Variants in ZNF462 observed in about 807,000 individuals in gnomAD.
ZNF462 encodes zinc finger PBX1-interacting protein.
ZNF462 carries 10 observed loss-of-function variants against 201.9 expected under a neutral mutation model. The observed-to-expected ratio is 0.05, with a 90% CI of 0.03 to 0.08. The LOEUF (loss-of-function observed/expected upper bound fraction) is 0.08. ZNF462 is among the 10% of genes least tolerant of loss of function. The pLI is 1.00. For missense variants in ZNF462, 2,523 were observed against 3,168.3 expected, an observed-to-expected ratio of 0.80 and a Z score of 4.89; for synonymous variants, 1,227 against 1,193.3, an observed-to-expected ratio of 1.03 and a Z score of -0.58.
At chr9:106,863,025 G>A (rs1306993211), upstream of ZNF462, 1 of 397,144 alleles carries the variant, frequency 2.5e-6, no homozygotes, top group South Asian at 1.4e-4. Flanking sequence ...GGGAGGGAGA[G>A]AGAGAGAGCG....
At chr9:106,951,087 C>T (rs1199925897) in intron 7 of ZNF462, among the ~76,000 whole-genome samples, 4 of 142,602 alleles carry the variant, frequency 2.8e-5, no homozygotes, top group Admixed American at 6.7e-5. Context: ...GAAACTCCAT[C>T]TCAAAAAAAA....
At chr9:106,976,562 C>G (rs944616307) in intron 9 of ZNF462, 2 of 152,216 alleles carry the variant, frequency 1.3e-5, no homozygotes, top group Non-Finnish European at 2.9e-5. Flanking sequence ...TCCCATGTCT[C>G]ATCACATTAC....
chr9:106,985,791 G>T (rs934097618), intron 10 of ZNF462, among the ~76,000 whole-genome samples: 1 of 152,124 alleles, frequency 6.6e-6, no homozygotes, highest in African/African-American at 2.4e-5. Flanking sequence ...GTGGGGTGTT[G>T]AGAGAGAAGG....
At chr9:106,894,487 A>C (rs571302511) in intron 1 of ZNF462, among the ~76,000 whole-genome samples, 1 of 152,370 alleles carries the variant, frequency 6.6e-6, no homozygotes, top group Non-Finnish European at 1.5e-5. Context: ...GGAAAATGTA[A>C]AGGTATTACA....
In ZNF462 at chr9:106,895,852, T is replaced by C. The variant is rs926500012; in HGVS notation, c.-30-27502T>C. Among the ~76,000 whole-genome samples the C allele has an allele frequency of 6.6e-6, 1 of 152,204 alleles. No individual in the cohort carries two copies. The highest frequency in any genetic ancestry group is 2.4e-5 in the African/African-American group (1 of 41,448). ...ATTGGGTTCTTCTTTCTTACATATG[T>C]TCATGGAATTATTCATAGACAAACC... On this transcript the variant is annotated intron_variant, in intron 1 of 12. Transcript: ENST00000277225. This position sits in a 1 kb window ranked among gnomAD's most constrained non-coding sequence, Gnocchi z 4.4.
rs1829996247 is a variant in ZNF462 at position 107,012,740 on chromosome 9, G to T, written c.*1710G>T. On this transcript the variant is annotated 3_prime_UTR_variant, in exon 13 of 13. Transcript: ENST00000277225. ...TTTTTTTTTTTTTTTTACTTGGAAG[G>T]GTTGTGGGAGGGTGGGAGGGAAGAA... is the stretch of plus-strand genomic sequence containing the variant. The T allele has an allele frequency of 7.0e-6, 1 of 143,588 alleles. No individual in the cohort carries two copies. 8.9% of individuals were successfully genotyped at this position (143,588 alleles called of 1,614,324 possible).
chr9:106,933,348 G>C lies in ZNF462; in HGVS notation c.6116+799G>C, dbSNP rs1373922263. The stretch of plus-strand genomic sequence containing the variant: ...GGTTGTTGAACAGAAGAAGGAGGTG[G>C]TGTTTTCACAGAGGTTAGGATGGGT... On this transcript the variant is annotated intron_variant, in intron 5 of 12. Coordinates refer to ENST00000277225, the MANE Select transcript of ZNF462 (RefSeq NM_021224.6). This position sits in a 1 kb window ranked among gnomAD's most constrained non-coding sequence, Gnocchi z 4.3. The C allele has an allele frequency of 3.3e-5, 5 of 152,222 alleles. No homozygotes were observed. Among genetic ancestry groups the C allele is most frequent in the African/African-American group, 1.2e-4 (5 of 41,440 alleles). The allele number at this position is 152,222 out of a possible 1,614,324, so 9.4% of individuals were successfully genotyped here.
Position 106,923,241 on chromosome 9 carries a change from G to A in ZNF462, c.-30-113G>A, listed in dbSNP as rs1306322535. The A allele has an allele frequency of 1.8e-5, 13 of 742,120 alleles. No homozygotes were observed. The East Asian group carries it at 3.5e-4, about 20-fold the overall frequency. The allele number at this position is 742,120 out of a possible 1,614,324, so 46.0% of individuals were successfully genotyped here. ...TGTTCCAACTGGCAAAGTCCAATAAGAGAAATCTACTGATACTGGAATTTT... is the reference window on the plus strand; with the variant it reads ...TGTTCCAACTGGCAAAGTCCAATAAAAGAAATCTACTGATACTGGAATTTT... On this transcript the variant is annotated intron_variant, in intron 1 of 12. Coordinates refer to ENST00000277225, the MANE Select transcript of ZNF462 (RefSeq NM_021224.6). This position sits in a 1 kb window ranked among gnomAD's most constrained non-coding sequence, Gnocchi z 5.6.
At position 106,879,919 on chromosome 9, in the gene ZNF462, C is replaced by T. The variant is rs181039037; in HGVS notation, c.-31+16564C>T. Among the ~76,000 whole-genome samples, 3 of 152,264 alleles carry T rather than the reference C, an allele frequency of 2.0e-5. No homozygotes were observed. The East Asian group carries it at 5.8e-4, about 29-fold the overall frequency. The stretch of plus-strand genomic sequence containing the variant: ...TGAGAGGGGAAGAAATTCACAAGTA[C>T]ACTTGGCTGGATATTCAGTGGACTT... On this transcript the variant is annotated intron_variant, in intron 1 of 12. Transcript: ENST00000277225.
Position 107,010,923 on chromosome 9 carries a change from G to A in ZNF462, c.7414G>A (p.Asp2472Asn), listed in dbSNP as rs1271132088. Residue 2472 changes from aspartate (D) to asparagine (N), a missense_variant, in exon 13 of 13, where the codon GAC becomes AAC. Asp to Asn is a conservative substitution (Grantham distance 23). Transcript: ENST00000277225. The surrounding 1 kb of genome is among the most constrained non-coding windows in gnomAD (Gnocchi z 4.6). The part of the protein sequence containing the change: ...KMPSIEEKED[D>N]EAIGIDFSLK... ...GCCCTCCATAGAGGAAAAGGAAGAT[G>A]ACGAGGCCATTGGGATAGACTTTTC... 2 of 1,613,786 alleles carry A rather than the reference G, an allele frequency of 1.2e-6. No individual in the cohort carries two copies. Among genetic ancestry groups the A allele is most frequent in the Admixed American group, 3.3e-5 (2 of 59,966 alleles).
intron 10 of ZNF462, among the ~76,000 whole-genome samples, chr9:106,991,091 A>G (rs963526357): frequency 6.6e-6 from 1 of 152,046 alleles, no homozygotes; most frequent in African/African-American, 2.4e-5. Context: ...AATTAAAGGC[A>G]TGAGAATTGG....
intron 1 of ZNF462, among the ~76,000 whole-genome samples, chr9:106,906,898 G>C (rs1022151881): frequency 6.6e-6 from 1 of 151,838 alleles, no homozygotes; most frequent in Non-Finnish European, 1.5e-5. Flanking sequence ...TTGTTTTCTT[G>C]TACAAATGCA....
At chr9:106,912,246 C>CGACTCCAT (rs59470488) in intron 1 of ZNF462, among the ~76,000 whole-genome samples, 29,214 of 151,960 alleles carry the variant, frequency 0.19, 3,127 homozygotes, top group African/African-American at 0.28. Context: ...AACATTGTTC[C>CGACTCCAT]GACTCCATGA....
At chr9:106,996,929 G>A (rs562892275) in intron 10 of ZNF462, among the ~76,000 whole-genome samples, 1 of 152,160 alleles carries the variant, frequency 6.6e-6, no homozygotes, top group Non-Finnish European at 1.5e-5. Flanking sequence ...GAGTTTATAA[G>A]CAACTAGGTG....
Position 106,913,751 on chromosome 9 carries a change from C to T in ZNF462, c.-30-9603C>T, listed in dbSNP as rs1244257719. On this transcript the variant is annotated intron_variant, in intron 1 of 12. Coordinates refer to ENST00000277225, the MANE Select transcript of ZNF462 (RefSeq NM_021224.6). This position sits in a 1 kb window ranked among gnomAD's most constrained non-coding sequence, Gnocchi z 4.1. ...TAGCTGGGATTACAGGCACCTGCCA[C>T]CAAGCCCGGCTAATTTTTGTGTGTG... 6.6e-6 allele frequency among the ~76,000 whole-genome samples: 1 copy of T among 150,434 alleles called. No homozygotes were observed. Among genetic ancestry groups the T allele is most frequent in the Non-Finnish European group, 1.5e-5 (1 of 67,356 alleles).
chr9:106,961,846 GT>G (rs997491893), intron 7 of ZNF462, among the ~76,000 whole-genome samples: 1 of 152,040 alleles, frequency 6.6e-6, no homozygotes, highest in African/African-American at 2.4e-5. Flanking sequence ...ACTGAGTTCA[GT>G]TTTGAAAGAT....
intron 7 of ZNF462, among the ~76,000 whole-genome samples, chr9:106,956,600 A>G (rs1235189411): frequency 6.7e-6 from 1 of 150,274 alleles, no homozygotes; most frequent in Non-Finnish European, 1.5e-5. Flanking sequence ...TTAGCTGTGA[A>G]AGTCCTAGAT....
In ZNF462 at chr9:107,009,343, C is replaced by G. The variant is rs151120129; in HGVS notation, c.7190-202C>G. The G allele has an allele frequency of 7.3e-4, 458 of 623,666 alleles. No individual in the cohort carries two copies. In the African/African-American group the frequency reaches 7.8e-3, roughly 11 times the overall value. The allele number at this position is 623,666 out of a possible 1,614,324, so 38.6% of individuals were successfully genotyped here. ...TGAGGCGAAATGAGGTCTTGGGGCC[C>G]AAGAACCAGAAACAGTTCTCGAATG... On this transcript the variant is annotated intron_variant, in intron 11 of 12. Transcript: ENST00000277225. This position sits in a 1 kb window ranked among gnomAD's most constrained non-coding sequence, Gnocchi z 6.1.
In ZNF462 at chr9:106,938,968, C is replaced by A; in HGVS notation, c.6288C>A (p.Ser2096Arg). The A allele has an allele frequency of 6.2e-7, 1 of 1,613,572 alleles. No individual in the cohort carries two copies. The highest frequency in any genetic ancestry group is 8.5e-7 in the Non-Finnish European group (1 of 1,179,754). Residue 2096 changes from serine to arginine, a missense_variant, in exon 7 of 13, where the codon AGC becomes AGA. Coordinates refer to ENST00000277225, the MANE Select transcript of ZNF462 (RefSeq NM_021224.6). This position sits in a 1 kb window ranked among gnomAD's most constrained non-coding sequence, Gnocchi z 4.4. ...SWCSFSTMTI[S>R]QLKEHSLKVH... ...GCTCATTCTCCACCATGACAATCAG[C>A]CAGCTGAAGGAACACTCCCTCAAGG...
Sources: gnomAD v4.1 joint callset for allele counts (sites outside exome capture counted in the v4.1 genomes callset) on GRCh38, gnomAD v4.1.1 for gene constraint, Gnocchi (gnomAD v3.1) non-coding constraint, MANE v1.5 for transcripts, NCBI Gene and HGNC (gene_info 2026-07-23, HGNC 2026-07-21) for gene names.